The following CADM2 variants were observed in gnomAD, a reference collection of about 807,000 sequenced individuals.
The protein encoded by CADM2 is immunoglobulin superfamily member 4D.
In CADM2, 12 loss-of-function variants were observed where a neutral mutation model predicts 49.8. The ratio of observed to expected loss-of-function variants is 0.24; its 90% CI spans 0.15 to 0.39. CADM2 has a LOEUF of 0.39. Ranked by LOEUF, CADM2 falls within the 10% of genes least tolerant of loss-of-function variation. The pLI is 1.00. For missense variants in CADM2, 378 were observed against 492.3 expected (o/e 0.77, Z 2.20); for synonymous variants, 214 against 175.4 (o/e 1.22, Z -1.74).
At chr3:85,096,926 G>A (rs2037819648) in intron 1 of CADM2, among the ~76,000 whole-genome samples, 1 of 152,018 alleles carries the variant, frequency 6.6e-6, no homozygotes, top group South Asian at 2.1e-4. Flanking sequence ...TACCTTTTAT[G>A]TTTAGAGTGA....
At chr3:85,423,052 A>G (rs2107502038) in intron 1 of CADM2, among the ~76,000 whole-genome samples, 1 of 152,120 alleles carries the variant, frequency 6.6e-6, no homozygotes, top group Admixed American at 6.5e-5. Flanking sequence ...TGAGAGATGG[A>G]GGTGGCTTTC....
chr3:85,718,255 T>C (rs2107758196), intron 1 of CADM2, among the ~76,000 whole-genome samples: 1 of 152,320 alleles, frequency 6.6e-6, no homozygotes, highest in East Asian at 1.9e-4. Context: ...GTTCCAGTTA[T>C]AGATTTAGGG....
chr3:85,100,228 T>A (rs2037960261), intron 1 of CADM2, among the ~76,000 whole-genome samples: 1 of 152,232 alleles, frequency 6.6e-6, no homozygotes, highest in South Asian at 2.1e-4. Context: ...ACCAAAGTGA[T>A]TTTTGTTGCT....
At chr3:85,109,723 G>T (rs1444803015) in intron 1 of CADM2, among the ~76,000 whole-genome samples, 2 of 151,928 alleles carry the variant, frequency 1.3e-5, no homozygotes, top group Admixed American at 6.6e-5. Flanking sequence ...ATAATGGTTA[G>T]CATATTATCC....
At chr3:85,721,406 T>C (rs750500645) in intron 1 of CADM2, among the ~76,000 whole-genome samples, 6 of 152,124 alleles carry the variant, frequency 3.9e-5, no homozygotes, top group Non-Finnish European at 7.4e-5. Flanking sequence ...TCCTCAGGCC[T>C]GCTGGGCTCA....
At chr3:85,242,062 G>GT (rs1177609200) in intron 1 of CADM2, among the ~76,000 whole-genome samples, 21 of 143,156 alleles carry the variant, frequency 1.5e-4, no homozygotes, top group African/African-American at 4.5e-4. Context: ...GTTTGATTCT[G>GT]TTGTTTTTTT....
intron 1 of CADM2, among the ~76,000 whole-genome samples, chr3:85,464,643 A>G (rs62250713): frequency 0.5 from 76,699 of 152,096 alleles, 23,124 homozygotes; most frequent in East Asian, 0.83. Flanking sequence ...TTAAAGGCAT[A>G]GTTTATATGA....
intron 1 of CADM2, among the ~76,000 whole-genome samples, chr3:84,969,371 C>T (rs888734460): frequency 6.6e-6 from 1 of 151,902 alleles, no homozygotes; most frequent in African/African-American, 2.4e-5. Flanking sequence ...CATCTGCCCT[C>T]TATTGATTAT....
chr3:85,544,692 C>T (rs972981865), intron 1 of CADM2, among the ~76,000 whole-genome samples: 15 of 152,026 alleles, frequency 9.9e-5, no homozygotes, highest in African/African-American at 3.6e-4. Flanking sequence ...CGAAATAAAC[C>T]ATTTGACATG....
chr3:85,743,458 T>C (rs2068476878), intron 2 of CADM2, among the ~76,000 whole-genome samples: 1 of 152,222 alleles, frequency 6.6e-6, no homozygotes, highest in Non-Finnish European at 1.5e-5. Flanking sequence ...CTTTAAAGCA[T>C]AATGTTTACC....
At chr3:85,519,914 T>G (rs1248634466) in intron 1 of CADM2, among the ~76,000 whole-genome samples, 1 of 152,028 alleles carries the variant, frequency 6.6e-6, no homozygotes, top group African/African-American at 2.4e-5. Flanking sequence ...GATTGCTTGA[T>G]GAGGAAAGAT....
chr3:85,660,908 A>G (rs1680252512), intron 1 of CADM2, among the ~76,000 whole-genome samples: 1 of 145,076 alleles, frequency 6.9e-6, no homozygotes. Flanking sequence ...AACTATAATC[A>G]AACTAAAAAA....
chr3:85,035,601 T>TG (rs1390321884), intron 1 of CADM2, among the ~76,000 whole-genome samples: 1 of 152,136 alleles, frequency 6.6e-6, no homozygotes, highest in East Asian at 1.9e-4. Flanking sequence ...TTTTTGTATA[T>TG]GGGGGGAGAT....
intron 3 of CADM2, among the ~76,000 whole-genome samples, chr3:85,854,551 T>C (rs992105053): frequency 1.3e-5 from 2 of 152,130 alleles, no homozygotes; most frequent in Admixed American, 6.5e-5. Flanking sequence ...ACACCAAATG[T>C]TCTCACTCAT....
intron 1 of CADM2, among the ~76,000 whole-genome samples, chr3:85,564,848 A>C (rs1004722658): frequency 1.5e-4 from 23 of 152,120 alleles, no homozygotes; most frequent in Non-Finnish European, 2.8e-4. Flanking sequence ...TCATCTTCTA[A>C]ATGTGAGCTT....
At chr3:85,194,298 G>A (rs1310693695) in intron 1 of CADM2, among the ~76,000 whole-genome samples, 1 of 152,066 alleles carries the variant, frequency 6.6e-6, no homozygotes. Flanking sequence ...AAACCGTAGA[G>A]CTTTGTTGAA....
intron 1 of CADM2, among the ~76,000 whole-genome samples, chr3:85,394,624 T>A (rs1427483946): frequency 6.6e-6 from 1 of 152,212 alleles, no homozygotes; most frequent in Non-Finnish European, 1.5e-5. Flanking sequence ...TTAACTGGAC[T>A]TATTGTACTC....
In CADM2 at chr3:85,351,374, T is replaced by C. The variant is rs78671779; in HGVS notation, c.62-375148T>C. On this transcript the variant is annotated intron_variant, in intron 1 of 9. Transcript: ENST00000383699. Reference sequence around the variant, plus strand: ...ACATTAAAAGGATATCACATCAAAATAGGCATAACGTATAATTAAAGAAAA... The same window carrying C: ...ACATTAAAAGGATATCACATCAAAACAGGCATAACGTATAATTAAAGAAAA... 3.7e-3 allele frequency among the ~76,000 whole-genome samples: 560 copies of C among 152,254 alleles called. 5 individuals carry two copies. The highest frequency in any genetic ancestry group is 5.1e-3 in the Non-Finnish European group (345 of 68,018).
At position 85,846,244 on chromosome 3, in the gene CADM2, G is replaced by A. The variant is rs188236899; in HGVS notation, c.239-37047G>A. On this transcript the variant is annotated intron_variant, in intron 3 of 9. Coordinates refer to ENST00000383699, the MANE Select transcript of CADM2 (RefSeq NM_001167675.2). The stretch of plus-strand genomic sequence containing the variant: ...ATGACTATTTGGAATATTTTCTAGC[G>A]TTGCATTTAATATTTCTATTTCTAA... 5.8e-3 allele frequency among the ~76,000 whole-genome samples: 889 copies of A among 152,176 alleles called. 8 individuals are homozygous for A. The highest frequency in any genetic ancestry group is 0.026 in the South Asian group (123 of 4,822).
Sources: gnomAD v4.1 joint callset for allele counts (sites outside exome capture counted in the v4.1 genomes callset) on GRCh38, gnomAD v4.1.1 for gene constraint, MANE v1.5 for transcripts, NCBI Gene and HGNC (gene_info 2026-07-23, HGNC 2026-07-21) for gene names.